SEMA3E: variants seen among roughly 807,000 people sequenced by gnomAD.
The protein encoded by SEMA3E is semaphorin 3E.
In SEMA3E, 49 loss-of-function variants were observed where a neutral mutation model predicts 93.6. The ratio of observed to expected loss-of-function variants is 0.52; its 90% CI spans 0.42 to 0.66. SEMA3E has a LOEUF of 0.66. Ranked by LOEUF, SEMA3E falls within the 30% of genes least tolerant of loss-of-function variation. SEMA3E has a pLI of 0.00. For synonymous variants in SEMA3E, 363 were observed against 330.7 expected (o/e 1.10, Z -1.06); for missense variants, 906 against 964.8 (o/e 0.94, Z 0.81).
intron 4 of SEMA3E, among the ~76,000 whole-genome samples, chr7:83,449,627 T>A (rs899026616): frequency 1.3e-5 from 2 of 152,134 alleles, no homozygotes; most frequent in Non-Finnish European, 2.9e-5. Flanking sequence ...CACACACTAA[T>A]GAGAACTATA....
intron 10 of SEMA3E, among the ~76,000 whole-genome samples, chr7:83,401,333 T>G (rs1482944096): frequency 6.6e-6 from 1 of 152,066 alleles, no homozygotes; most frequent in Non-Finnish European, 1.5e-5. Flanking sequence ...AATACAGTAG[T>G]TTAGTAATCA....
intron 5 of SEMA3E, among the ~76,000 whole-genome samples, chr7:83,411,747 A>C (rs1407562623): frequency 6.6e-6 from 1 of 152,142 alleles, no homozygotes; most frequent in Non-Finnish European, 1.5e-5. Flanking sequence ...GATCTTTTAC[A>C]GAATGCAAAA....
chr7:83,648,505 C>A lies in SEMA3E; in HGVS notation c.38G>T (p.Trp13Leu). 1 of 1,613,352 alleles carries A rather than the reference C, an allele frequency of 6.2e-7. No homozygotes were observed. The highest frequency in any genetic ancestry group is 2.2e-5 in the East Asian group (1 of 44,806). ...TGTCCAAAGCTCCAGTAAGTAACCC[C>A]ACAGGAGCAAGGTGATAATGTGCCC... ...SAGHIITLLL[W>L]GYLLELWTGG... Residue 13 changes from tryptophan to leucine, a missense_variant, in exon 1 of 17, where the codon TGG (tryptophan) becomes TTG (leucine). Trp to Leu is a moderately conservative substitution (Grantham distance 61). Coordinates refer to ENST00000643230, the MANE Select transcript of SEMA3E (RefSeq NM_012431.3).
chr7:83,459,931 C>T (rs1043346861), intron 4 of SEMA3E, among the ~76,000 whole-genome samples: 4 of 152,148 alleles, frequency 2.6e-5, no homozygotes. Context: ...CACTCCTGCC[C>T]GCCAGAGAAC....
intron 1 of SEMA3E, among the ~76,000 whole-genome samples, chr7:83,576,983 T>C (rs912821780): frequency 1.3e-5 from 2 of 152,192 alleles, no homozygotes; most frequent in Non-Finnish European, 2.9e-5. Flanking sequence ...TCCATCGTGG[T>C]AATAAGTTTG....
chr7:83,458,506 G>C (rs1789539546), intron 4 of SEMA3E, among the ~76,000 whole-genome samples: 1 of 151,996 alleles, frequency 6.6e-6, no homozygotes, highest in African/African-American at 2.4e-5. Flanking sequence ...AGAAGCTGTG[G>C]TATGTACCCT....
chr7:83,498,520 C>T (rs933327262), intron 1 of SEMA3E, among the ~76,000 whole-genome samples: 5 of 151,958 alleles, frequency 3.3e-5, no homozygotes, highest in African/African-American at 1.2e-4. Flanking sequence ...CTCTGTTGCC[C>T]CCGCTGGAGT....
intron 1 of SEMA3E, among the ~76,000 whole-genome samples, chr7:83,601,686 A>T (rs146605220): frequency 6.6e-6 from 1 of 152,242 alleles, no homozygotes; most frequent in African/African-American, 2.4e-5. Context: ...TCATGTGTAC[A>T]AAGAAATAGA....
intron 1 of SEMA3E, among the ~76,000 whole-genome samples, chr7:83,592,547 TAGG>T (rs1792775984): frequency 1.3e-5 from 2 of 152,154 alleles, no homozygotes; most frequent in South Asian, 4.1e-4. Context: ...CAGTAATATT[TAGG>T]AGTTGAAATT....
At chr7:83,583,725 A>G (rs978902142) in intron 1 of SEMA3E, among the ~76,000 whole-genome samples, 1 of 152,206 alleles carries the variant, frequency 6.6e-6, no homozygotes, top group East Asian at 1.9e-4. Context: ...TTCATGTGAT[A>G]TGTTAAAGAA....
chr7:83,631,795 C>G (rs2115675370), intron 1 of SEMA3E, among the ~76,000 whole-genome samples: 1 of 152,308 alleles, frequency 6.6e-6, no homozygotes, highest in African/African-American at 2.4e-5. Flanking sequence ...GAAGGGCTGA[C>G]AGCAATCAAA....
chr7:83,593,321 TG>T (rs1356450335), intron 1 of SEMA3E, among the ~76,000 whole-genome samples: 9 of 84,794 alleles, frequency 1.1e-4, no homozygotes, highest in African/African-American at 3.5e-4. Context: ...TGTGTGTGTG[TG>T]TGTGTGTGTG....
intron 2 of SEMA3E, among the ~76,000 whole-genome samples, chr7:83,482,040 G>T (rs76997311): frequency 6.6e-6 from 1 of 152,050 alleles, no homozygotes; most frequent in Non-Finnish European, 1.5e-5. Context: ...TAGAGGTAGA[G>T]CCTAAACACA....
chr7:83,485,844 A>T (rs754709609), intron 2 of SEMA3E, among the ~76,000 whole-genome samples: 1 of 152,146 alleles, frequency 6.6e-6, no homozygotes, highest in South Asian at 2.1e-4. Context: ...TGGGTTCAGA[A>T]GTATTTATTT....
chr7:83,537,039 C>T (rs1198418274), intron 1 of SEMA3E, among the ~76,000 whole-genome samples: 3 of 151,344 alleles, frequency 2.0e-5, no homozygotes, highest in African/African-American at 7.3e-5. Context: ...CTTCTCCCCC[C>T]TTCTCTCTCT....
intron 1 of SEMA3E, among the ~76,000 whole-genome samples, chr7:83,548,475 A>G (rs1791695642): frequency 1.3e-5 from 2 of 152,088 alleles, no homozygotes. Context: ...TCCACTAAAC[A>G]GAAAGGAGGA....
At chr7:83,510,528 C>T (rs545270298) in intron 1 of SEMA3E, among the ~76,000 whole-genome samples, 2 of 152,210 alleles carry the variant, frequency 1.3e-5, no homozygotes, top group South Asian at 4.1e-4. Context: ...TGCTTCCAAA[C>T]TTTTTCCTTC....
intron 1 of SEMA3E, among the ~76,000 whole-genome samples, chr7:83,602,290 C>G (rs118049970): frequency 6.6e-6 from 1 of 152,310 alleles, no homozygotes; most frequent in Non-Finnish European, 1.5e-5. Context: ...GTCATATTCT[C>G]TGTCAGTTTG....
chr7:83,611,201 C>A (rs1318455783), intron 1 of SEMA3E, among the ~76,000 whole-genome samples: 2 of 148,178 alleles, frequency 1.3e-5, no homozygotes, highest in African/African-American at 5.0e-5. Context: ...AAATCAGCTC[C>A]CCTTTTGCAT....
Sources: gnomAD v4.1 joint callset for allele counts (sites outside exome capture counted in the v4.1 genomes callset) on GRCh38, gnomAD v4.1.1 for gene constraint, MANE v1.5 for transcripts, NCBI Gene and HGNC (gene_info 2026-07-23, HGNC 2026-07-21) for gene names.